Variants in KATNAL2 observed in about 807,000 individuals in gnomAD.
KATNAL2 encodes the protein katanin p60 ATPase-containing subunit A-like 2.
In KATNAL2, 52 loss-of-function variants were observed where a neutral mutation model predicts 76.3. The observed-to-expected ratio is 0.68, with a 90% CI of 0.55 to 0.86. The LOEUF (loss-of-function observed/expected upper bound fraction) is 0.86. Ranked by LOEUF, KATNAL2 falls within the 40% of genes least tolerant of loss-of-function variation. KATNAL2 has a pLI of 0.00. For missense variants in KATNAL2, 660 were observed against 668.9 expected, an observed-to-expected ratio of 0.99 and a Z score of 0.15; for synonymous variants, 243 against 244.2, an observed-to-expected ratio of 1.00 and a Z score of 0.05.
At chr18:47,074,223 A>G (rs574326748) in intron 13 of KATNAL2, among the ~76,000 whole-genome samples, 1 of 152,312 alleles carries the variant, frequency 6.6e-6, no homozygotes, top group East Asian at 1.9e-4. Flanking sequence ...ATAAAACAGG[A>G]TTCTGTAAAA....
chr18:46,965,748 A>C (rs1259595002), intron 3 of KATNAL2, among the ~76,000 whole-genome samples: 163 of 137,076 alleles, frequency 1.2e-3, no homozygotes, highest in East Asian at 7.3e-3. Flanking sequence ...TCTTGGAAGA[A>C]ATGCTTCAGG....
At position 46,944,700 on chromosome 18, in the gene KATNAL2, A is replaced by C. The variant is rs572312769; in HGVS notation, c.-509-1357A>C. Reference sequence around the variant, plus strand: ...CAGTGAGCCGAGATCACGCCACTGCACTCCAGGCTGAGCAACAGAGCGAGA... The same window carrying C: ...CAGTGAGCCGAGATCACGCCACTGCCCTCCAGGCTGAGCAACAGAGCGAGA... On this transcript the variant is annotated intron_variant, in intron 1 of 17. Coordinates refer to ENST00000683218, the MANE Select transcript of KATNAL2 (RefSeq NM_001387690.1). 8.3e-4 allele frequency among the ~76,000 whole-genome samples: 127 copies of C among 152,282 alleles called. 2 individuals are homozygous for C. Among genetic ancestry groups the C allele is most frequent in the Middle Eastern group, 6.8e-3 (2 of 292 alleles).
At chr18:47,079,654 CT>C (rs969517606) in intron 15 of KATNAL2, among the ~76,000 whole-genome samples, 5 of 149,464 alleles carry the variant, frequency 3.3e-5, no homozygotes, top group Non-Finnish European at 4.5e-5. Flanking sequence ...GCCTCAGCCT[CT>C]TTTTTTTTTC....
At chr18:47,063,462 T>C in intron 10 of KATNAL2, 101 bp downstream of exon 10, 1 of 861,590 alleles carries the variant, frequency 1.2e-6, no homozygotes, top group Non-Finnish European at 1.8e-6. Flanking sequence ...TATGATCATT[T>C]ATTTATAAAG....
At chr18:47,071,953 CTTTTTTTTTTTTTTTTTTT>C (rs574265545) in intron 13 of KATNAL2, among the ~76,000 whole-genome samples, 30 of 43,956 alleles carry the variant, frequency 6.8e-4, no homozygotes, top group South Asian at 2.8e-3. Flanking sequence ...CCAATTTCTT[CTTTTTTTTTTTTTTTTTTT>C]TTTTTTTTTT....
At chr18:46,924,364 T>G (rs1599298230) in intron 1 of KATNAL2, among the ~76,000 whole-genome samples, 1 of 152,214 alleles carries the variant, frequency 6.6e-6, no homozygotes, top group East Asian at 1.9e-4. Flanking sequence ...TTTGTCAGGT[T>G]TGTCAAAGAT....
chr18:46,946,251 G>A lies in KATNAL2; in HGVS notation c.-315G>A. On this transcript the variant is annotated 5_prime_UTR_variant, in exon 2 of 18. The change abolishes an upstream ATG in the 5' untranslated region. Transcript: ENST00000683218. ...ATAGAGCAGAGGAAAACACGTCCAT[G>A]TTTTTCCACGTCTAATGAGAACAGG... 9.0e-7 allele frequency: 1 copy of A among 1,109,822 alleles called. No homozygotes were observed. Among genetic ancestry groups the A allele is most frequent in the Non-Finnish European group, 1.1e-6 (1 of 899,040 alleles). The allele number at this position is 1,109,822 out of a possible 1,614,324, so 68.7% of individuals were successfully genotyped here.
Position 46,946,204 on chromosome 18 carries a change from G to T in KATNAL2, c.-362G>T. On this transcript the variant is annotated 5_prime_UTR_variant, in exon 2 of 18. Coordinates refer to ENST00000683218, the MANE Select transcript of KATNAL2 (RefSeq NM_001387690.1). ...AGAAGGGAAAGACATTGAAGAAACA[G>T]ACTAGTTAACACATGAAAAAAATAG... 9.6e-7 allele frequency: 1 copy of T among 1,042,470 alleles called. No individual in the cohort carries two copies. Among genetic ancestry groups the T allele is most frequent in the Non-Finnish European group, 1.2e-6 (1 of 861,774 alleles). The allele number at this position is 1,042,470 out of a possible 1,614,324, so 64.6% of individuals were successfully genotyped here.
intron 15 of KATNAL2, among the ~76,000 whole-genome samples, chr18:47,086,057 C>T (rs1363562510): frequency 6.6e-6 from 1 of 152,068 alleles, no homozygotes; most frequent in Non-Finnish European, 1.5e-5. Context: ...CACACCACTG[C>T]ACCCCAGCCT....
At chr18:46,954,390 G>C (rs534368026) in intron 3 of KATNAL2, among the ~76,000 whole-genome samples, 247 of 147,608 alleles carry the variant, frequency 1.7e-3, no homozygotes, top group African/African-American at 5.9e-3. Context: ...GAGTATAGTG[G>C]CATGATCTCG....
chr18:47,035,274 G>A (rs766789590), intron 3 of KATNAL2: 1 of 1,612,528 alleles, frequency 6.2e-7, no homozygotes, highest in South Asian at 1.1e-5. Context: ...TCTCACCAGA[G>A]CTGTGCAGGC....
intron 15 of KATNAL2, among the ~76,000 whole-genome samples, chr18:47,090,060 A>G (rs1200366363): frequency 6.6e-6 from 1 of 151,824 alleles, no homozygotes; most frequent in Non-Finnish European, 1.5e-5. Context: ...AGTGCTGGCA[A>G]GTGCTGGGAT....
Position 47,063,063 on chromosome 18 carries a change from AC to A in KATNAL2, c.645del (p.Ser216GlnfsTer5), listed in dbSNP as rs750143682. On this transcript the variant is annotated frameshift_variant, in exon 9 of 18. Transcript: ENST00000683218. LOFTEE classifies it high-confidence loss of function. ...LALNTFDHNPDPSERLLKPLS... is the reference protein window; with the variant it reads ...LALNTFDHNPXPSERLLKPLS... ...TTGAACACCTTCGACCATAATCCAGACCCCTCAGTAAGTGGCGAAGATGTGA... is the reference window on the plus strand; with the variant it reads ...TTGAACACCTTCGACCATAATCCAGACCCTCAGTAAGTGGCGAAGATGTGA... 8.7e-5 allele frequency: 140 copies of A among 1,613,222 alleles called. No homozygotes were observed. Among genetic ancestry groups the A allele is most frequent in the Non-Finnish European group, 1.1e-4 (132 of 1,179,458 alleles).
intron 15 of KATNAL2, among the ~76,000 whole-genome samples, chr18:47,096,489 G>A (rs977111105): frequency 4.6e-5 from 7 of 152,132 alleles, no homozygotes; most frequent in African/African-American, 1.7e-4. Context: ...CTACAGGCGT[G>A]CATCACCACA....
intron 15 of KATNAL2, among the ~76,000 whole-genome samples, chr18:47,085,181 G>T (rs369335403): frequency 1.3e-5 from 2 of 152,190 alleles, no homozygotes; most frequent in Non-Finnish European, 2.9e-5. Context: ...TTGGCTCATG[G>T]AGAGTCCCCA....
At chr18:47,025,105 C>G (rs372435314) in intron 3 of KATNAL2, among the ~76,000 whole-genome samples, 2,137 of 88,478 alleles carry the variant, frequency 0.024, 2 homozygotes, top group Middle Eastern at 0.056. Flanking sequence ...TCTCCCCCCC[C>G]CACCCCGCCC....
Position 47,101,084 on chromosome 18 carries a change from T to C in KATNAL2, c.*79T>C. 1.3e-6 allele frequency: 2 copies of C among 1,501,296 alleles called. No homozygotes were observed. The highest frequency in any genetic ancestry group is 2.3e-5 in the South Asian group (2 of 86,708). 93.0% of individuals were successfully genotyped at this position (1,501,296 alleles called of 1,614,324 possible). ...TATTAATGTCCGTGGGAGAACAAAA[T>C]GATTGGAATGGAAAAGAGAAAATTA... On this transcript the variant is annotated 3_prime_UTR_variant, in exon 18 of 18. Coordinates refer to ENST00000683218, the MANE Select transcript of KATNAL2 (RefSeq NM_001387690.1).
intron 3 of KATNAL2, among the ~76,000 whole-genome samples, chr18:46,954,292 A>C (rs1334087639): frequency 7.7e-6 from 1 of 130,518 alleles, no homozygotes; most frequent in Non-Finnish European, 1.6e-5. Flanking sequence ...GTTCTGTTAT[A>C]TGTTTTCTTC....
At chr18:47,100,151 C>G (rs1011108520) in intron 16 of KATNAL2, 103 bp from the exon 17 acceptor site, 3 of 747,500 alleles carry the variant, frequency 4.0e-6, no homozygotes, top group East Asian at 5.0e-5. Context: ...GTGACAGATA[C>G]AGAATCTACA....
Sources: gnomAD v4.1 joint callset for allele counts (sites outside exome capture counted in the v4.1 genomes callset) on GRCh38, gnomAD v4.1.1 for gene constraint, MANE v1.5 for transcripts, NCBI Gene and HGNC (gene_info 2026-07-23, HGNC 2026-07-21) for gene names.